Variants in NLRP5 observed in about 807,000 individuals in gnomAD.
The protein encoded by NLRP5 is NLR family pyrin domain containing 5.
In NLRP5, 93 loss-of-function variants were observed where a neutral mutation model predicts 113.1. The observed-to-expected ratio is 0.82, with a 90% CI of 0.70 to 0.98. The LOEUF is 0.98. NLRP5 is among the 50% of genes least tolerant of loss of function. NLRP5 has a pLI of 0.00. For missense variants in NLRP5, 1,808 were observed against 1,514.3 expected (o/e 1.19, Z -3.22); for synonymous variants, 751 against 600.7 (o/e 1.25, Z -3.66).
At chr19:55,986,809 A>G in the NLRP5 span, among the ~76,000 whole-genome samples, 50 of 151,996 alleles carry the variant, frequency 3.3e-4, 1 homozygote, top group African/African-American at 1.1e-3. Context: ...CTTGGTGGTG[A>G]GGTGTGAAGC....
In NLRP5 at chr19:56,033,539, C is replaced by A; in HGVS notation, c.2448-3C>A. The A allele has an allele frequency of 6.2e-7, 1 of 1,607,738 alleles. No homozygotes were observed. ...CGAATGTGTCTCCCCTTCCCCATTG[C>A]AGGTTTAGAAATGCACAGATTACCC... On this transcript the variant is annotated splice_polypyrimidine_tract_variant and splice_region_variant and intron_variant, in intron 8 of 14. Transcript: ENST00000390649.
In NLRP5 at chr19:56,027,286, G is replaced by A. The variant is rs760850161; in HGVS notation, c.1053G>A (p.Met351Ile). ...CCCAGGCTCCGGTGACGGAGATCAT[G>A]TCCCGACCAGAAAGGCTGTTGTTCA... The change falls in exon 7 of 15, where the codon ATG (methionine) becomes ATA (isoleucine). Residue 351 changes from methionine (M) to isoleucine (I), a missense_variant. Coordinates refer to ENST00000390649, the MANE Select transcript of NLRP5 (RefSeq NM_153447.4). 1.9e-6 allele frequency: 3 copies of A among 1,611,918 alleles called. No homozygotes were observed. The highest frequency in any genetic ancestry group is 2.5e-6 in the Non-Finnish European group (3 of 1,179,874).
rs56091886 is a variant in NLRP5 at position 56,006,986 on chromosome 19, A to G, written c.443-1802A>G. Among the ~76,000 whole-genome samples, 85 of 149,018 alleles carry G rather than the reference A, an allele frequency of 5.7e-4. 2 individuals carry two copies. Among genetic ancestry groups the G allele is most frequent in the Middle Eastern group, 6.8e-3 (2 of 292 alleles). On this transcript the variant is annotated intron_variant, in intron 2 of 14. Transcript: ENST00000390649. ...GATCTCCCGACCTTGTGATCCACCCACCTTGGCCTCCCAAAGTTCTGGGAT... is the reference window on the plus strand; with the variant it reads ...GATCTCCCGACCTTGTGATCCACCCGCCTTGGCCTCCCAAAGTTCTGGGAT...
intron 9 of NLRP5, among the ~76,000 whole-genome samples, chr19:56,036,531 C>G (rs923820858): frequency 6.6e-6 from 1 of 152,188 alleles, no homozygotes; most frequent in Admixed American, 6.5e-5. Context: ...TGCTGATGAA[C>G]AAAACGAGAT....
intron 7 of NLRP5, among the ~76,000 whole-genome samples, chr19:56,031,083 C>A (rs72629147): frequency 1.2e-5 from 1 of 85,284 alleles, no homozygotes; most frequent in Non-Finnish European, 3.2e-5. Context: ...GGAAGGTATA[C>A]ACTCAGACAC....
chr19:56,041,857 G>GACAACCACTTGA (rs934595353), intron 11 of NLRP5, among the ~76,000 whole-genome samples: 7 of 152,314 alleles, frequency 4.6e-5, no homozygotes, highest in African/African-American at 1.4e-4. Context: ...GCTGAGGCAG[G>GACAACCACTTGA]ACAACCACTT....
chr19:56,016,858 G>A (rs1018989423), intron 4 of NLRP5, among the ~76,000 whole-genome samples: 6 of 152,132 alleles, frequency 3.9e-5, no homozygotes, highest in African/African-American at 1.4e-4. Flanking sequence ...GCCCAGGCTG[G>A]GGTGCAGTGG....
chr19:56,034,662 C>T (rs1005418582), intron 9 of NLRP5, among the ~76,000 whole-genome samples: 1 of 152,170 alleles, frequency 6.6e-6, no homozygotes, highest in South Asian at 2.1e-4. Context: ...AAAGTGAAAT[C>T]GGTGTGGTAC....
intron 1 of NLRP5, among the ~76,000 whole-genome samples, chr19:56,001,331 A>C (rs1599875021): frequency 7.3e-6 from 1 of 137,182 alleles, no homozygotes; most frequent in Admixed American, 7.3e-5. Context: ...ATTTAAAAAA[A>C]AAAACAAACA....
chr19:56,028,410 G>A lies in NLRP5; in HGVS notation c.2177G>A (p.Cys726Tyr), dbSNP rs1421400760. The A allele has an allele frequency of 6.2e-7, 1 of 1,613,842 alleles. No homozygotes were observed. The highest frequency in any genetic ancestry group is 8.5e-7 in the Non-Finnish European group (1 of 1,179,898). Residue 726 changes from cysteine to tyrosine, a missense_variant, in exon 7 of 15, where the codon TGC becomes TAC. Transcript: ENST00000390649. ...CTGGACTTGATAGCATCTTCCTTCT[G>A]CCTCCAGCACTGTCCGTATTTGCGG...
chr19:56,056,558 A>T (rs1234435871), intron 13 of NLRP5, among the ~76,000 whole-genome samples: 1 of 146,880 alleles, frequency 6.8e-6, no homozygotes, highest in Non-Finnish European at 1.5e-5. Context: ...CTCTATTTCT[A>T]AAAAACAAAA....
intron 6 of NLRP5, among the ~76,000 whole-genome samples, chr19:56,021,243 A>G: frequency 6.6e-6 from 1 of 152,184 alleles, no homozygotes; most frequent in East Asian, 1.9e-4. Flanking sequence ...CTAAAGTGCT[A>G]TAACTTTGCA....
intron 3 of NLRP5, among the ~76,000 whole-genome samples, chr19:56,015,198 T>TTTTG (rs534363035): frequency 5.3e-5 from 8 of 152,258 alleles, no homozygotes; most frequent in African/African-American, 7.2e-5. Context: ...TTTCGTTTTG[T>TTTTG]TTTGTTTGTT....
chr19:56,058,096 A>C, intron 13 of NLRP5, 144 bp from the exon 14 acceptor site: 2 of 620,896 alleles, frequency 3.2e-6, no homozygotes, highest in Non-Finnish European at 5.3e-6. Flanking sequence ...ACTGGGAGGC[A>C]GAGCCCACCA....
chr19:56,022,613 A>G (rs1401584378), intron 6 of NLRP5, among the ~76,000 whole-genome samples: 1 of 152,194 alleles, frequency 6.6e-6, no homozygotes, highest in African/African-American at 2.4e-5. Context: ...AAGGAAAACA[A>G]TGAGCTCATC....
At chr19:56,036,058 C>CTTTTTTTTTTTTTTTGTTTTTTTTTTTTT (rs1983300205) in intron 9 of NLRP5, among the ~76,000 whole-genome samples, 1 of 77,018 alleles carries the variant, frequency 1.3e-5, no homozygotes, top group Admixed American at 1.7e-4. Context: ...AATTGAGATT[C>CTTTTTTTTTTTTTTTGTTTTTTTTTTTTT]TTTTTTTTTT....
chr19:56,045,161 C>T (rs1158224230), intron 11 of NLRP5, among the ~76,000 whole-genome samples: 1 of 152,226 alleles, frequency 6.6e-6, no homozygotes, highest in African/African-American at 2.4e-5. Flanking sequence ...CAAACAGTGA[C>T]AGTTTGACTT....
In NLRP5 at chr19:56,027,786, G is replaced by C; in HGVS notation, c.1553G>C (p.Arg518Pro). Residue 518 changes from arginine (R) to proline (P), a missense_variant, in exon 7 of 15, where the codon CGC becomes CCC. Transcript: ENST00000390649. ...CTCACCCCTCGAGGCGTGGTCCGGC[G>C]CTGTCTCAATCTGGAGGAAAGAGTT... The C allele has an allele frequency of 6.2e-7, 1 of 1,613,980 alleles. No individual in the cohort carries two copies. Among genetic ancestry groups the C allele is most frequent in the Non-Finnish European group, 8.5e-7 (1 of 1,179,894 alleles).
chr19:56,058,969 A>G lies in NLRP5; in HGVS notation c.3470+559A>G, dbSNP rs370178652. Among the ~76,000 whole-genome samples, 5 of 152,266 alleles carry G rather than the reference A, an allele frequency of 3.3e-5. No homozygotes were observed. In the East Asian group the frequency reaches 5.8e-4, roughly 18 times the overall value. ...ATAAGCCAGTCCTAAAAAGACAAAT[A>G]CTGTAGGATTCTACCTCGAAGAGGT... On this transcript the variant is annotated intron_variant, in intron 14 of 14. Coordinates refer to ENST00000390649, the MANE Select transcript of NLRP5 (RefSeq NM_153447.4).
Sources: allele counts gnomAD v4.1 joint callset (sites outside exome capture counted in the v4.1 genomes callset), GRCh38; gene constraint gnomAD v4.1.1; transcripts MANE v1.5; gene names NCBI Gene and HGNC (gene_info 2026-07-23, HGNC 2026-07-21).